BTRC: variants seen among roughly 807,000 people sequenced by gnomAD.
BTRC encodes the protein F-box/WD repeat-containing protein 1A.
BTRC carries 42 observed loss-of-function variants against 85.5 expected under a neutral mutation model. That is an observed-to-expected ratio of 0.49 (90% CI 0.38 to 0.64). The LOEUF (loss-of-function observed/expected upper bound fraction) is 0.64. Among genes scored for constraint, BTRC ranks in the 30% least tolerant of loss-of-function variants. BTRC has a pLI of 0.00. For missense variants in BTRC, 594 were observed against 743.5 expected, an observed-to-expected ratio of 0.80 and a Z score of 2.34; for synonymous variants, 255 against 263.3, an observed-to-expected ratio of 0.97 and a Z score of 0.30.
intron 4 of BTRC, among the ~76,000 whole-genome samples, chr10:101,499,388 TA>T (rs2134285512): frequency 6.6e-6 from 1 of 152,148 alleles, no homozygotes; most frequent in African/African-American, 2.4e-5. Flanking sequence ...CATGCCCAGC[TA>T]AATTTTTTTG....
chr10:101,370,803 C>G (rs1411726818), intron 1 of BTRC, among the ~76,000 whole-genome samples: 2 of 152,056 alleles, frequency 1.3e-5, no homozygotes, highest in African/African-American at 4.8e-5. Context: ...AGCTCCTGGG[C>G]TCAAGTGATT....
chr10:101,522,400 TAA>T (rs1411178503), intron 5 of BTRC, among the ~76,000 whole-genome samples: 1 of 53,428 alleles, frequency 1.9e-5, no homozygotes, highest in African/African-American at 5.8e-5. Context: ...ACTCTAGAAA[TAA>T]AGACTCCTTT....
intron 1 of BTRC, among the ~76,000 whole-genome samples, chr10:101,401,670 T>C (rs1271750111): frequency 6.6e-6 from 1 of 151,674 alleles, no homozygotes; most frequent in Non-Finnish European, 1.5e-5. Flanking sequence ...AATACAAATA[T>C]TGAGTGAATT....
chr10:101,432,381 G>T (rs1304408028), intron 2 of BTRC, among the ~76,000 whole-genome samples: 1 of 152,070 alleles, frequency 6.6e-6, no homozygotes, highest in East Asian at 1.9e-4. Flanking sequence ...GCCTGCCTCA[G>T]CCTCCCAAAG....
intron 1 of BTRC, among the ~76,000 whole-genome samples, chr10:101,386,225 T>G (rs966077037): frequency 1.2e-4 from 18 of 152,220 alleles, no homozygotes; most frequent in African/African-American, 4.1e-4. Context: ...TTTATAAGTT[T>G]TATTAAAGAT....
chr10:101,544,407 GT>G (rs35751151), intron 13 of BTRC, among the ~76,000 whole-genome samples: 83,631 of 135,366 alleles, frequency 0.62, 26,128 homozygotes, highest in East Asian at 0.84. Context: ...ACTTGGGAAA[GT>G]TTTTTTTTTT....
At chr10:101,475,551 A>T (rs1042875955) in intron 3 of BTRC, among the ~76,000 whole-genome samples, 3 of 152,166 alleles carry the variant, frequency 2.0e-5, no homozygotes, top group African/African-American at 7.2e-5. Context: ...AAACAAAAAC[A>T]AAAACAAAAA....
At chr10:101,407,233 A>G (rs1402584266) in intron 1 of BTRC, among the ~76,000 whole-genome samples, 2 of 152,124 alleles carry the variant, frequency 1.3e-5, no homozygotes, top group African/African-American at 4.8e-5. Flanking sequence ...CTGTAGTCCC[A>G]TCTACTTGGA....
intron 1 of BTRC, among the ~76,000 whole-genome samples, chr10:101,392,450 A>G (rs893457272): frequency 6.6e-6 from 1 of 152,208 alleles, no homozygotes; most frequent in Non-Finnish European, 1.5e-5. Context: ...AAAAAATTTT[A>G]AAGATTATTT....
intron 4 of BTRC, among the ~76,000 whole-genome samples, chr10:101,501,063 G>A (rs911722271): frequency 1.3e-5 from 2 of 152,048 alleles, no homozygotes; most frequent in Non-Finnish European, 2.9e-5. Context: ...AGGCATGGTG[G>A]CACACGCCTG....
rs921718666 is a variant in BTRC at position 101,503,869 on chromosome 10, T to C, written c.325-17770T>C. On this transcript the variant is annotated intron_variant, in intron 4 of 14. Transcript: ENST00000370187. ...TTACCAAGTTGTTGAGGCCTTTTTA[T>C]AGAACACAGAAATTGAAGGATTAGA... Among the ~76,000 whole-genome samples the C allele has an allele frequency of 4.6e-5, 7 of 152,356 alleles. No individual in the cohort carries two copies. In the East Asian group the frequency reaches 1.3e-3, roughly 29 times the overall value.
chr10:101,385,615 C>CTTTTTTTTTTTTTTTTTTTTTTTTT (rs146804594), intron 1 of BTRC, among the ~76,000 whole-genome samples: 3 of 48,904 alleles, frequency 6.1e-5, no homozygotes, highest in African/African-American at 1.1e-4. Context: ...CTTTCTTCTT[C>CTTTTTTTTTTTTTTTTTTTTTTTTT]TTCTTTTTTT....
intron 1 of BTRC, among the ~76,000 whole-genome samples, chr10:101,400,760 A>G (rs1380557596): frequency 1.3e-5 from 2 of 152,242 alleles, no homozygotes; most frequent in Non-Finnish European, 2.9e-5. Context: ...ATGTAAATCC[A>G]TCTAGGGGAA....
intron 1 of BTRC, among the ~76,000 whole-genome samples, chr10:101,372,240 C>A (rs1051864998): frequency 2.0e-5 from 3 of 151,080 alleles, no homozygotes; most frequent in African/African-American, 4.9e-5. Flanking sequence ...TGGCCTTTTG[C>A]GTTTTCTTTT....
At chr10:101,532,907 A>T in intron 8 of BTRC, 45 bp from the exon 9 acceptor site, 1 of 1,435,808 alleles carries the variant, frequency 7.0e-7, no homozygotes, top group Non-Finnish European at 9.8e-7. Context: ...TCTCCACAGC[A>T]CCCCATCATC....
At chr10:101,530,908 T>C (rs1241450920) in intron 6 of BTRC, among the ~76,000 whole-genome samples, 1 of 152,220 alleles carries the variant, frequency 6.6e-6, no homozygotes, top group Non-Finnish European at 1.5e-5. Flanking sequence ...GTGTGATGGC[T>C]CACGCCTGTA....
At position 101,472,366 on chromosome 10, in the gene BTRC, C is replaced by T. The variant is rs760068322; in HGVS notation, c.235-7002C>T. 6.4e-4 allele frequency among the ~76,000 whole-genome samples: 87 copies of T among 136,300 alleles called. 1 individual carries two copies. The Middle Eastern group carries it at 0.012, about 19-fold the overall frequency. 89.4% of individuals were successfully genotyped at this position (136,300 alleles called of 152,430 possible). A position where few individuals can be genotyped will look rare whatever the true frequency, so the allele number is the denominator to read the frequency against. ...TGTTTTTGGTAGAGATGGGGTCTCT[C>T]CCTATGTTGTCCAGGCTGGTCTTGA... On this transcript the variant is annotated intron_variant, in intron 3 of 14. Transcript: ENST00000370187.
In BTRC at chr10:101,438,499, CACACAT is replaced by C. The variant is rs541192580; in HGVS notation, c.156+8057_156+8062del. On this transcript the variant is annotated intron_variant, in intron 2 of 14. Coordinates refer to ENST00000370187, the MANE Select transcript of BTRC (RefSeq NM_033637.4). ...AATCTAATTTTATGTTTTTATGTCT[CACACAT>C]ACACATACATATATACTACATTGTG... Among the ~76,000 whole-genome samples the C allele has an allele frequency of 2.1e-3, 305 of 148,474 alleles. 3 individuals carry two copies. The highest frequency in any genetic ancestry group is 7.1e-3 in the African/African-American group (284 of 40,240).
chr10:101,400,812 A>G (rs1943475924), intron 1 of BTRC, among the ~76,000 whole-genome samples: 1 of 152,064 alleles, frequency 6.6e-6, no homozygotes, highest in Admixed American at 6.5e-5. Context: ...ATGGAAGACT[A>G]CTTCAACTTC....
Sources: allele counts gnomAD v4.1 joint callset (sites outside exome capture counted in the v4.1 genomes callset), GRCh38; gene constraint gnomAD v4.1.1; transcripts MANE v1.5; gene names NCBI Gene and HGNC (gene_info 2026-07-23, HGNC 2026-07-21).